Variants in CPLANE1 observed in about 807,000 individuals in gnomAD.
The protein encoded by CPLANE1 is ciliogenesis and planar polarity effector complex subunit 1, also known as ciliogenesis and planar polarity effector 1.
Under a neutral mutation model 362.5 loss-of-function variants are expected in CPLANE1, and 263 were observed. The ratio of observed to expected loss-of-function variants is 0.73; its 90% CI spans 0.66 to 0.80. The LOEUF (loss-of-function observed/expected upper bound fraction) is 0.80. Among genes scored for constraint, CPLANE1 ranks in the 30% least tolerant of loss-of-function variants. The pLI, the probability that CPLANE1 is intolerant of heterozygous loss-of-function variation, is 0.00. For synonymous variants in CPLANE1, 1,212 were observed against 1,302.6 expected, an observed-to-expected ratio of 0.93 and a Z score of 1.50; for missense variants, 3,461 against 3,793.4, an observed-to-expected ratio of 0.91 and a Z score of 2.30.
At chr5:37,182,045 T>G (rs1208165319) in intron 26 of CPLANE1, among the ~76,000 whole-genome samples, 1 of 151,808 alleles carries the variant, frequency 6.6e-6, no homozygotes, top group East Asian at 1.9e-4. Flanking sequence ...TGAGTTGAGA[T>G]CACGCCACTG....
Position 37,238,785 on chromosome 5 carries a change from T to A in CPLANE1, c.938+72A>T, listed in dbSNP as rs963597594. On this transcript the variant is annotated intron_variant, in intron 8 of 52. Coordinates refer to ENST00000651892, the MANE Select transcript of CPLANE1 (RefSeq NM_001384732.1). Reference sequence around the variant, plus strand: ...AAGTGCTAGAATTACAGGTGTGAGCTACCACACCTGACAGAGACCCATCTC... The same window carrying A: ...AAGTGCTAGAATTACAGGTGTGAGCAACCACACCTGACAGAGACCCATCTC... 1.2e-5 allele frequency: 9 copies of A among 762,566 alleles called. No individual in the cohort carries two copies. In the African/African-American group the frequency reaches 1.6e-4, roughly 14 times the overall value. The allele number at this position is 762,566 out of a possible 1,614,324, so 47.2% of individuals were successfully genotyped here. A position where few individuals can be genotyped will look rare whatever the true frequency, so the allele number is the denominator to read the frequency against.
rs73750938 is a variant in CPLANE1, at chr5:37,153,612, T to A, written c.8373+128A>T. ...GGCTCAAATGTCAATAGTGCTGAGG[T>A]TGACAAACCCTAGCTTAAAGAAAAC... On this transcript the variant is annotated intron_variant, in intron 42 of 52. Coordinates refer to ENST00000651892, the MANE Select transcript of CPLANE1 (RefSeq NM_001384732.1). 338 of 940,452 alleles carry A rather than the reference T, an allele frequency of 3.6e-4. No individual in the cohort carries two copies. In the African/African-American group the frequency reaches 5.1e-3, roughly 14 times the overall value. The allele number at this position is 940,452 out of a possible 1,614,324, so 58.3% of individuals were successfully genotyped here. A position where few individuals can be genotyped will look rare whatever the true frequency, so the allele number is the denominator to read the frequency against.
intron 52 of CPLANE1, among the ~76,000 whole-genome samples, 176 bp from the exon 53 acceptor site, chr5:37,107,954 T>C (rs1758006676): frequency 6.6e-6 from 1 of 152,166 alleles, no homozygotes; most frequent in Non-Finnish European, 1.5e-5. Context: ...CACATCCAGA[T>C]GGACAAGAGC....
rs11284644 is a variant in CPLANE1 at position 37,147,971 on chromosome 5, C to CAAAAAAAAAAAAAAAAAA, written c.8461+192_8461+209dup. ...AATCCAGAGGAGGTTACTGCCTTCT[C>CAAAAAAAAAAAAAAAAAA]AAAAAAAAAAAAAAAAAAAAAAAAA... On this transcript the variant is annotated intron_variant, in intron 43 of 52. Transcript: ENST00000651892. 9.1e-4 allele frequency among the ~76,000 whole-genome samples: 14 copies of CAAAAAAAAAAAAAAAAAA among 15,312 alleles called. 1 individual carries two copies. The highest frequency in any genetic ancestry group is 0.062 in the Middle Eastern group (1 of 16). 10.0% of individuals were successfully genotyped at this position (15,312 alleles called of 152,430 possible).
chr5:37,197,693 CA>C (rs1410760154), intron 20 of CPLANE1, among the ~76,000 whole-genome samples: 2 of 152,094 alleles, frequency 1.3e-5, no homozygotes, highest in East Asian at 3.8e-4. Context: ...TAATATGGCT[CA>C]GAATCTTTGT....
chr5:37,121,787 G>C lies in CPLANE1; in HGVS notation c.9018-3C>G, dbSNP rs1362395586. ...TATAGTGTTCAGAGAGCAGCAATCT[G>C]TAGACAAAGAATTAAGCATCATTTA... On this transcript the variant is annotated splice_polypyrimidine_tract_variant and splice_region_variant and intron_variant, in intron 48 of 52. Coordinates refer to ENST00000651892, the MANE Select transcript of CPLANE1 (RefSeq NM_001384732.1). 3 of 1,610,626 alleles carry C rather than the reference G, an allele frequency of 1.9e-6. No individual in the cohort carries two copies. In the African/African-American group the frequency reaches 4.0e-5, roughly 22 times the overall value.
intron 46 of CPLANE1, 188 bp downstream of exon 46, chr5:37,138,532 C>T: frequency 1.4e-6 from 1 of 725,096 alleles, no homozygotes. Context: ...CCACAGGATA[C>T]AGTTATATAC....
In CPLANE1 at chr5:37,157,671, T is replaced by G; in HGVS notation, c.8010A>C (p.Gln2670His). The G allele has an allele frequency of 1.9e-6, 3 of 1,611,876 alleles. No homozygotes were observed. The highest frequency in any genetic ancestry group is 2.5e-6 in the Non-Finnish European group (3 of 1,178,936). Residue 2670 changes from glutamine to histidine, a missense_variant and splice_region_variant, in exon 40 of 53, where the codon CAA becomes CAC. By Grantham distance (24) the Gln-to-His change is conservative. Coordinates refer to ENST00000651892, the MANE Select transcript of CPLANE1 (RefSeq NM_001384732.1). ...GTTTTAAAAGTAGGAAAAAATTACC[T>G]TGACTCTTAAAATTATGTGGGGGAA... The part of the protein sequence containing the change: ...NAVPPHNFKS[Q>H]EVTPACLDGK...
At chr5:37,100,448 ATT>A in the CPLANE1 span, among the ~76,000 whole-genome samples, 1 of 152,004 alleles carries the variant, frequency 6.6e-6, no homozygotes. Context: ...TGAGTTCTCT[ATT>A]CTGTTCCATT....
At position 37,121,705 on chromosome 5, in the gene CPLANE1, G is replaced by GTAC; in HGVS notation, c.9094_9096dup (p.Val3032dup). On this transcript the variant is annotated inframe_insertion, in exon 49 of 53. Coordinates refer to ENST00000651892, the MANE Select transcript of CPLANE1 (RefSeq NM_001384732.1). ...GGTTTCTGTGGTAGAGTTGGTAGCT[G>GTAC]TACTGACTCAGATAACAGTTCATTC... The GTAC allele has an allele frequency of 6.2e-7, 1 of 1,613,654 alleles. No individual in the cohort carries two copies. Among genetic ancestry groups the GTAC allele is most frequent in the East Asian group, 2.2e-5 (1 of 44,878 alleles).
intron 19 of CPLANE1, among the ~76,000 whole-genome samples, chr5:37,199,523 C>G (rs1218262645): frequency 6.6e-6 from 1 of 152,210 alleles, no homozygotes. Context: ...TCCCACTGTA[C>G]TCAGAACTCC....
intron 46 of CPLANE1, among the ~76,000 whole-genome samples, chr5:37,127,454 C>T (rs1480786514): frequency 2.0e-5 from 3 of 151,916 alleles, no homozygotes; most frequent in Admixed American, 6.6e-5. Context: ...TATTACCACT[C>T]GATGTTCTGG....
chr5:37,092,034 C>T, the CPLANE1 span, among the ~76,000 whole-genome samples: 1 of 152,176 alleles, frequency 6.6e-6, no homozygotes, highest in Non-Finnish European at 1.5e-5. Flanking sequence ...CATTGCAACT[C>T]ACATAGGGTA....
intron 44 of CPLANE1, chr5:37,141,350 A>G: frequency 1.0e-6 from 1 of 985,386 alleles, no homozygotes. Context: ...TCCTCCCCAG[A>G]GAAGAGAAGA....
At position 37,198,747 on chromosome 5, in the gene CPLANE1, C is replaced by T; in HGVS notation, c.3627G>A (p.Gln1209=). 1 of 1,614,172 alleles carries T rather than the reference C, an allele frequency of 6.2e-7. No homozygotes were observed. ...RAAQCSFPVA[Q]WYILQLRWAR... is the part of the protein sequence containing the mutation. ...CCCACCTCAACTGCAATATATACCA[C>T]TGTGCTACAGGAAAAGAACACTGAG... Residue 1209 remains glutamine (Q), a synonymous_variant, in exon 20 of 53, where the codon CAG becomes CAA. Coordinates refer to ENST00000651892, the MANE Select transcript of CPLANE1 (RefSeq NM_001384732.1).
At chr5:37,232,713 G>C (rs1451745261) in intron 8 of CPLANE1, among the ~76,000 whole-genome samples, 24 of 151,440 alleles carry the variant, frequency 1.6e-4, no homozygotes, top group Admixed American at 9.9e-4. Context: ...GCGTGCACCT[G>C]TAATCCCAGC....
At chr5:37,118,809 G>A (rs1277740008) in intron 50 of CPLANE1, among the ~76,000 whole-genome samples, 2 of 151,832 alleles carry the variant, frequency 1.3e-5, no homozygotes, top group Non-Finnish European at 2.9e-5. Flanking sequence ...CGCCTCCTGG[G>A]TTCAAGCAAT....
chr5:37,179,603 A>G (rs1782126704), intron 28 of CPLANE1, among the ~76,000 whole-genome samples, 160 bp from the exon 29 acceptor site: 1 of 152,204 alleles, frequency 6.6e-6, no homozygotes. Flanking sequence ...AGTCTATTCC[A>G]TCTTCATCAG....
chr5:37,135,725 C>T (rs573497872), intron 46 of CPLANE1, among the ~76,000 whole-genome samples: 18 of 151,978 alleles, frequency 1.2e-4, no homozygotes, highest in African/African-American at 3.9e-4. Context: ...CCCAGCTACT[C>T]GGGAGGCTGA....
Sources: allele counts gnomAD v4.1 joint callset (sites outside exome capture counted in the v4.1 genomes callset), GRCh38; gene constraint gnomAD v4.1.1; transcripts MANE v1.5; gene names NCBI Gene and HGNC (gene_info 2026-07-23, HGNC 2026-07-21).